The following ANK2 variants were observed in gnomAD, a reference collection of about 807,000 sequenced individuals.
ANK2 encodes ankyrin-2.
In ANK2, 83 loss-of-function variants were observed where a neutral mutation model predicts 360.5. The ratio of observed to expected loss-of-function variants is 0.23; its 90% CI spans 0.19 to 0.28. The LOEUF (loss-of-function observed/expected upper bound fraction) is 0.28. Among genes scored for constraint, ANK2 ranks in the 10% least tolerant of loss-of-function variants. ANK2 has a pLI of 1.00. For missense variants in ANK2, 4,201 were observed against 4,795.7 expected, an observed-to-expected ratio of 0.88 and a Z score of 3.66; for synonymous variants, 1,740 against 1,759.5, an observed-to-expected ratio of 0.99 and a Z score of 0.28.
intron 4 of ANK2, among the ~76,000 whole-genome samples, chr4:113,200,210 AC>A (rs1273387410): frequency 6.6e-6 from 1 of 152,132 alleles, no homozygotes. Flanking sequence ...TTAGTCTAAA[AC>A]CCTTATTAGA....
chr4:112,887,597 C>G (rs2078776463), intron 1 of ANK2, among the ~76,000 whole-genome samples: 1 of 152,108 alleles, frequency 6.6e-6, no homozygotes, highest in Admixed American at 6.5e-5. Context: ...CATATACACT[C>G]TTCAATTTTT....
chr4:113,253,665 T>G (rs1054996741), intron 10 of ANK2, among the ~76,000 whole-genome samples: 3 of 152,140 alleles, frequency 2.0e-5, no homozygotes, highest in Non-Finnish European at 1.5e-5. Context: ...CTGTCACCTC[T>G]TCCTTCAAAA....
At chr4:112,819,783 G>A (rs1386671316) in intron 1 of ANK2, among the ~76,000 whole-genome samples, 1 of 152,126 alleles carries the variant, frequency 6.6e-6, no homozygotes, top group African/African-American at 2.4e-5. Context: ...CTTCCATATT[G>A]TTGAGTGAAG....
At chr4:113,065,953 C>T (rs1303212179) in intron 1 of ANK2, among the ~76,000 whole-genome samples, 3 of 152,122 alleles carry the variant, frequency 2.0e-5, no homozygotes, top group Non-Finnish European at 4.4e-5. Flanking sequence ...CTGGTGTCCC[C>T]AGGAAATTAG....
chr4:112,810,034 AT>A, the ANK2 span, among the ~76,000 whole-genome samples: 1 of 147,992 alleles, frequency 6.8e-6, no homozygotes, highest in South Asian at 2.1e-4. Context: ...TATTTACTTT[AT>A]TTTTTTAAAG....
intron 1 of ANK2, among the ~76,000 whole-genome samples, chr4:112,845,029 TATCCCCAC>T (rs139367937): frequency 9.2e-4 from 140 of 152,328 alleles, no homozygotes; most frequent in African/African-American, 3.2e-3. Flanking sequence ...TATATGATAG[TATCCCCAC>T]TGTGACGACG....
At chr4:112,920,145 A>G (rs2151156571) in intron 2 of ANK2, among the ~76,000 whole-genome samples, 1 of 152,286 alleles carries the variant, frequency 6.6e-6, no homozygotes, top group Admixed American at 6.5e-5. Flanking sequence ...CTCTAAGCCC[A>G]GGACTCTTTT....
chr4:113,349,132 T>C (rs997056169), intron 36 of ANK2, among the ~76,000 whole-genome samples: 13 of 152,264 alleles, frequency 8.5e-5, no homozygotes, highest in African/African-American at 3.1e-4. Context: ...ACATTATTGA[T>C]GAAGAAAGCA....
At chr4:113,121,966 A>G (rs1268830181) in intron 1 of ANK2, among the ~76,000 whole-genome samples, 1 of 152,164 alleles carries the variant, frequency 6.6e-6, no homozygotes, top group Non-Finnish European at 1.5e-5. Flanking sequence ...GTAACGGGAC[A>G]TGGAGCAATG....
At chr4:113,242,054 A>T in intron 8 of ANK2, 57 bp from the exon 9 acceptor site, 1 of 1,399,554 alleles carries the variant, frequency 7.1e-7, no homozygotes, top group East Asian at 2.3e-5. Context: ...ACACAAAGGC[A>T]TCGCCATCAT....
In ANK2 at chr4:113,369,682, C is replaced by T. The variant is rs777600064; in HGVS notation, c.11487C>T (p.Pro3829=). The change falls in exon 43 of 46, where the codon CCC becomes CCT. Residue 3829 remains proline, a synonymous_variant. Coordinates refer to ENST00000357077, the MANE Select transcript of ANK2 (RefSeq NM_001148.6). ...GAGGCTCTCCCATCATACAAGAACC[C>T]GAAGAGCCCTCAGAGCACAGAGAGG... ...ERGGSPIIQE[P]EEPSEHREES... is the part of the protein sequence containing the mutation. 4.3e-6 allele frequency: 7 copies of T among 1,614,004 alleles called. No individual in the cohort carries two copies. Among genetic ancestry groups the T allele is most frequent in the African/African-American group, 2.7e-5 (2 of 74,904 alleles).
intron 28 of ANK2, 143 bp downstream of exon 28, chr4:113,332,213 A>G (rs528486186): frequency 2.6e-4 from 197 of 753,410 alleles, no homozygotes; most frequent in Non-Finnish European, 4.0e-4. Context: ...TCTTTAGTGG[A>G]CCATTTCTGA....
the ANK2 span, among the ~76,000 whole-genome samples, chr4:112,801,518 G>A: frequency 7.9e-5 from 12 of 152,286 alleles, no homozygotes; most frequent in East Asian, 2.3e-3. Flanking sequence ...ACAGGATGCT[G>A]TGGTTACACA....
intron 1 of ANK2, among the ~76,000 whole-genome samples, chr4:113,074,427 A>G (rs537895735): frequency 2.1e-4 from 32 of 152,294 alleles, no homozygotes; most frequent in African/African-American, 7.0e-4. Flanking sequence ...GTATTTTTTC[A>G]TATGTCTCCT....
At chr4:113,126,039 GT>G (rs2095643729) in intron 1 of ANK2, among the ~76,000 whole-genome samples, 1 of 152,102 alleles carries the variant, frequency 6.6e-6, no homozygotes, top group South Asian at 2.1e-4. Flanking sequence ...AAGCTCTATG[GT>G]TGTTTTGTAT....
intron 41 of ANK2, among the ~76,000 whole-genome samples, chr4:113,367,064 T>TTA (rs1178749985): frequency 1.3e-5 from 2 of 152,220 alleles, no homozygotes; most frequent in Non-Finnish European, 2.9e-5. Context: ...AGTACTATCC[T>TTA]TATAGTGTTA....
At chr4:113,188,422 C>T (rs1322690729) in intron 2 of ANK2, among the ~76,000 whole-genome samples, 3 of 152,106 alleles carry the variant, frequency 2.0e-5, no homozygotes, top group Non-Finnish European at 4.4e-5. Flanking sequence ...TATTTACAAA[C>T]CAACTCTTAA....
chr4:112,967,908 G>A (rs1232675516), intron 2 of ANK2, among the ~76,000 whole-genome samples: 4 of 152,112 alleles, frequency 2.6e-5, no homozygotes, highest in South Asian at 4.1e-4. Context: ...GGAATCCATC[G>A]TCCTTCATAA....
the ANK2 span, among the ~76,000 whole-genome samples, chr4:112,809,937 A>G: frequency 6.6e-6 from 1 of 151,508 alleles, no homozygotes; most frequent in Non-Finnish European, 1.5e-5. Context: ...TTTACTGTAC[A>G]ACATTTCAAA....
Sources: allele counts gnomAD v4.1 joint callset (sites outside exome capture counted in the v4.1 genomes callset), GRCh38; gene constraint gnomAD v4.1.1; transcripts MANE v1.5; gene names NCBI Gene and HGNC (gene_info 2026-07-23, HGNC 2026-07-21).